ECM1: variants seen among roughly 807,000 people sequenced by gnomAD.
ECM1 encodes the protein secretory component p85.
Under a neutral mutation model 57.9 loss-of-function variants are expected in ECM1, and 54 were observed. The observed-to-expected ratio is 0.93, with a 90% CI of 0.75 to 1.17. The LOEUF (loss-of-function observed/expected upper bound fraction) is 1.17. Among genes scored for constraint, ECM1 ranks in the 50% most tolerant of loss-of-function variants. The pLI, the probability that ECM1 is intolerant of heterozygous loss-of-function variation, is 0.00. For missense variants in ECM1, 649 were observed against 688.1 expected (o/e 0.94, Z 0.64); for synonymous variants, 237 against 259.1 (o/e 0.91, Z 0.82).
At chr1:150,511,912 T>C in intron 7 of ECM1, 81 bp downstream of exon 7, 11 of 1,466,356 alleles carry the variant, frequency 7.5e-6, no homozygotes, top group Non-Finnish European at 9.9e-6. Flanking sequence ...AGTCCATCCA[T>C]CCATGTACCC....
chr1:150,511,603 C>G lies in ECM1; in HGVS notation c.855C>G (p.Pro285=). The G allele has an allele frequency of 1.2e-6, 2 of 1,614,196 alleles. No homozygotes were observed. The highest frequency in any genetic ancestry group is 1.7e-6 in the Non-Finnish European group (2 of 1,180,026). ...CACACTACCAGCTCCGGGCCTGCCC[C>G]AGCCATCAGCCTGATATTTCCTCGG... ...PQPHYQLRAC[P]SHQPDISSGL... Residue 285 remains proline, a synonymous_variant, in exon 7 of 10, where the codon CCC becomes CCG. Coordinates refer to ENST00000369047, the MANE Select transcript of ECM1 (RefSeq NM_004425.4).
rs779091880 is a variant in ECM1, at chr1:150,511,765, C to G, written c.1017C>G (p.Ile339Met). ...DPLQRELLAL[I>M]QLEREFQRCC... ...TACAAAGGGAGCTGCTGGCACTGAT[C>G]CAGCTGGAGAGGGAGTTCCAGCGCT... The change falls in exon 7 of 10, where the codon ATC (isoleucine) becomes ATG (methionine). Residue 339 changes from isoleucine (I) to methionine (M), a missense_variant. Coordinates refer to ENST00000369047, the MANE Select transcript of ECM1 (RefSeq NM_004425.4). The G allele has an allele frequency of 1.2e-6, 2 of 1,613,840 alleles. No homozygotes were observed. The highest frequency in any genetic ancestry group is 1.7e-5 in the Admixed American group (1 of 60,004).
rs1299994513 is a variant in ECM1 at position 150,512,764 on chromosome 1, C to A, written c.1344C>A (p.Arg448=). 1 of 1,614,074 alleles carries A rather than the reference C, an allele frequency of 6.2e-7. No individual in the cohort carries two copies. Among genetic ancestry groups the A allele is most frequent in the African/African-American group, 1.3e-5 (1 of 74,906 alleles). ...GGCTGATCCACAACATGACTGCCCG[C>A]TGCTGTGACCTGCCATTTCCAGAAC... is the stretch of plus-strand genomic sequence containing the variant. The part of the protein sequence containing the change: ...IPGLIHNMTA[R]CCDLPFPEQA... The change falls in exon 9 of 10, where the codon CGC becomes CGA. Residue 448 remains arginine, a synonymous_variant. Transcript: ENST00000369047.
chr1:150,508,175 C>A lies in ECM1; in HGVS notation c.-35C>A. The A allele has an allele frequency of 6.2e-7, 1 of 1,605,700 alleles. No individual in the cohort carries two copies. The highest frequency in any genetic ancestry group is 8.5e-7 in the Non-Finnish European group (1 of 1,172,456). ...CACATCCAGACTTGCCTGAGAGGAC[C>A]CACCTCTGAGTGTCCAGTGGTCAGT... On this transcript the variant is annotated 5_prime_UTR_variant, in exon 1 of 10. Transcript: ENST00000369047.
In ECM1 at chr1:150,512,553, CAA is replaced by C. The variant is rs2101440353; in HGVS notation, c.1287_1288del (p.Arg430SerfsTer6). On this transcript the variant is annotated frameshift_variant, in exon 8 of 10. Coordinates refer to ENST00000369047, the MANE Select transcript of ECM1 (RefSeq NM_004425.4). LOFTEE classifies it high-confidence loss of function. ...CCTCATGGGCCACCTCTGTGGAAAC[CAA>C]AGAGTTCTCACCAAGCAGTAAGTTG... is the stretch of plus-strand genomic sequence containing the variant. ...PNLMGHLCGN[Q>X]RVLTKHKHIP... The C allele has an allele frequency of 6.2e-7, 1 of 1,613,590 alleles. No individual in the cohort carries two copies. Among genetic ancestry groups the C allele is most frequent in the Non-Finnish European group, 8.5e-7 (1 of 1,180,004 alleles).
In ECM1 at chr1:150,509,645, C is replaced by T; in HGVS notation, c.122-16C>T. On this transcript the variant is annotated splice_polypyrimidine_tract_variant and intron_variant, in intron 2 of 9. Transcript: ENST00000369047. ...GGAGGCACTGTGGGCTCTGATGTCTCCCCTCTTGCTTCTAGTTGGCTACGC... is the reference window on the plus strand; with the variant it reads ...GGAGGCACTGTGGGCTCTGATGTCTTCCCTCTTGCTTCTAGTTGGCTACGC... 3 of 1,613,762 alleles carry T rather than the reference C, an allele frequency of 1.9e-6. No individual in the cohort carries two copies. The highest frequency in any genetic ancestry group is 2.5e-6 in the Non-Finnish European group (3 of 1,179,778).
intron 7 of ECM1, among the ~76,000 whole-genome samples, chr1:150,512,133 C>T (rs58138129): frequency 1.3e-5 from 2 of 151,000 alleles, no homozygotes; most frequent in African/African-American, 2.4e-5. Context: ...GCTCATCTCC[C>T]GGCACCAGCT....
chr1:150,513,581 T>C lies in ECM1; in HGVS notation c.*114T>C. 9.8e-7 allele frequency: 1 copy of C among 1,024,630 alleles called. No individual in the cohort carries two copies. Among genetic ancestry groups the C allele is most frequent in the Non-Finnish European group, 1.4e-6 (1 of 706,704 alleles). The allele number at this position is 1,024,630 out of a possible 1,614,324, so 63.5% of individuals were successfully genotyped here. ...TTTGGTGTCCTCATTGTCTATCTAATGTCTCACCCGCAGTGTTTTAAGTGG... is the reference window on the plus strand; with the variant it reads ...TTTGGTGTCCTCATTGTCTATCTAACGTCTCACCCGCAGTGTTTTAAGTGG... On this transcript the variant is annotated 3_prime_UTR_variant, in exon 10 of 10. Coordinates refer to ENST00000369047, the MANE Select transcript of ECM1 (RefSeq NM_004425.4).
At chr1:150,511,242 G>T in intron 6 of ECM1, 44 bp downstream of exon 6, 2 of 1,609,090 alleles carry the variant, frequency 1.2e-6, no homozygotes, top group South Asian at 1.1e-5. Flanking sequence ...TTTAACCCCA[G>T]ACAGTATGTG....
Position 150,511,787 on chromosome 1 carries a change from C to T in ECM1, c.1039C>T (p.Arg347Cys), listed in dbSNP as rs587643735. Residue 347 changes from arginine to cysteine, a missense_variant, in exon 7 of 10, where the codon CGC becomes TGC. Transcript: ENST00000369047. ...GATCCAGCTGGAGAGGGAGTTCCAGCGCTGCTGCCGCCAGGGGAACAATCA... is the reference window on the plus strand; with the variant it reads ...GATCCAGCTGGAGAGGGAGTTCCAGTGCTGCTGCCGCCAGGGGAACAATCA... ...ALIQLEREFQ[R>C]CCRQGNNHTC... 89 of 1,612,928 alleles carry T rather than the reference C, an allele frequency of 5.5e-5. 1 individual carries two copies. In the South Asian group the frequency reaches 6.0e-4, roughly 11 times the overall value.
Position 150,513,274 on chromosome 1 carries a change from G to A in ECM1, c.1430G>A (p.Arg477His), listed in dbSNP as rs768979755. 2.2e-5 allele frequency: 36 copies of A among 1,614,120 alleles called. No homozygotes were observed. The highest frequency in any genetic ancestry group is 3.3e-5 in the Admixed American group (2 of 60,014). The stretch of plus-strand genomic sequence containing the variant: ...ATCAATGATCTGTGTGGTCCCCGAC[G>A]TAACATCTGGCGAGACCCTGCCCTC... ...TFINDLCGPR[R>H]NIWRDPALCC... The change falls in exon 10 of 10, where the codon CGT becomes CAT. Residue 477 changes from arginine to histidine, a missense_variant. Arg to His is a conservative substitution (Grantham distance 29). Transcript: ENST00000369047.
chr1:150,509,632 G>A (rs1335161401), intron 2 of ECM1, 29 bp from the exon 3 acceptor site: 3 of 1,613,728 alleles, frequency 1.9e-6, no homozygotes, highest in Non-Finnish European at 2.5e-6. Flanking sequence ...AGGCACTGTG[G>A]GCTCTGATGT....
In ECM1 at chr1:150,513,349, A is replaced by G. The variant is rs755296071; in HGVS notation, c.1505A>G (p.Asn502Ser). 1.6e-5 allele frequency: 26 copies of G among 1,614,070 alleles called. 1 individual carries two copies. The South Asian group carries it at 2.6e-4, about 16-fold the overall frequency. Residue 502 changes from asparagine (N) to serine (S), a missense_variant, in exon 10 of 10, where the codon AAT becomes AGT. By Grantham distance (46) the Asn-to-Ser change is conservative. Coordinates refer to ENST00000369047, the MANE Select transcript of ECM1 (RefSeq NM_004425.4). The part of the protein sequence containing the change: ...GDEQVNCFNI[N>S]YLRNVALVSG... ...GAACAGGTCAACTGCTTCAACATCA[A>G]TTATCTGAGGAACGTGGCTCTAGTG...
chr1:150,510,807 C>T (rs1670416853), intron 5 of ECM1, 69 bp from the exon 6 acceptor site: 1 of 1,525,808 alleles, frequency 6.6e-7, no homozygotes, highest in African/African-American at 1.4e-5. Context: ...TCTTTCAATC[C>T]TCCCAGCTCA....
At chr1:150,510,231 C>G (rs1231794968) in intron 5 of ECM1, 49 bp downstream of exon 5, 10 of 1,564,414 alleles carry the variant, frequency 6.4e-6, no homozygotes, top group Non-Finnish European at 8.8e-6. Context: ...ATGGCCTTCC[C>G]CCAGAGCATG....
chr1:150,510,553 A>C (rs1457356487), intron 5 of ECM1: 5 of 546,520 alleles, frequency 9.1e-6, no homozygotes, highest in Non-Finnish European at 1.6e-5. Flanking sequence ...CATCCATTCC[A>C]TGCCGAGAGA....
At position 150,509,462 on chromosome 1, in the gene ECM1, TC is replaced by T. The variant is rs1272155218; in HGVS notation, c.71-65del. The T allele has an allele frequency of 1.4e-5, 22 of 1,559,480 alleles. No homozygotes were observed. In the East Asian group the frequency reaches 4.9e-4, roughly 35 times the overall value. On this transcript the variant is annotated intron_variant, in intron 1 of 9. Transcript: ENST00000369047. The stretch of plus-strand genomic sequence containing the variant: ...TCCTACACTCTTGATCTCCACAGCC[TC>T]CCCATCCCTTGCTGAAGTCCAGGGA...
chr1:150,510,806 C>A, intron 5 of ECM1, 70 bp from the exon 6 acceptor site: 1 of 1,517,542 alleles, frequency 6.6e-7, no homozygotes. Context: ...TTCTTTCAAT[C>A]CTCCCAGCTC....
At position 150,511,440 on chromosome 1, in the gene ECM1, C is replaced by T; in HGVS notation, c.709-17C>T. The T allele has an allele frequency of 6.2e-7, 1 of 1,614,020 alleles. No homozygotes were observed. Among genetic ancestry groups the T allele is most frequent in the Non-Finnish European group, 8.5e-7 (1 of 1,179,956 alleles). ...CAGGAATGTGGAAAGTGGGCTGATCCTCCCCTCTTGCTCTAGTGGGAGGAA... is the reference window on the plus strand; with the variant it reads ...CAGGAATGTGGAAAGTGGGCTGATCTTCCCCTCTTGCTCTAGTGGGAGGAA... On this transcript the variant is annotated splice_polypyrimidine_tract_variant and intron_variant, in intron 6 of 9. Transcript: ENST00000369047.
Sources: gnomAD v4.1 joint callset for allele counts (sites outside exome capture counted in the v4.1 genomes callset) on GRCh38, gnomAD v4.1.1 for gene constraint, MANE v1.5 for transcripts, NCBI Gene and HGNC (gene_info 2026-07-23, HGNC 2026-07-21) for gene names.